The following SLC35F1 variants were observed in gnomAD, a reference collection of about 807,000 sequenced individuals.
SLC35F1 encodes the protein chromosome 6 open reading frame 169.
SLC35F1 carries 14 observed loss-of-function variants against 48.7 expected under a neutral mutation model. The ratio of observed to expected loss-of-function variants is 0.29; its 90% CI spans 0.19 to 0.45. SLC35F1 has a LOEUF of 0.45. SLC35F1 is among the 20% of genes least tolerant of loss of function. The probability of loss-of-function intolerance (pLI) is 1.00; values close to 1 mark genes in which losing one functional copy is unlikely to be tolerated. For synonymous variants in SLC35F1, 190 were observed against 202.2 expected (o/e 0.94, Z 0.51); for missense variants, 404 against 500.0 (o/e 0.81, Z 1.83).
At chr6:118,143,764 C>T (rs988011383) in intron 1 of SLC35F1, among the ~76,000 whole-genome samples, 1 of 152,136 alleles carries the variant, frequency 6.6e-6, no homozygotes, top group Non-Finnish European at 1.5e-5. Context: ...GAGGTAGTTA[C>T]TGTCAGAGGC....
chr6:118,132,870 T>C (rs2114425724), intron 1 of SLC35F1, among the ~76,000 whole-genome samples: 1 of 152,308 alleles, frequency 6.6e-6, no homozygotes, highest in East Asian at 1.9e-4. Context: ...GGGCGGGGTA[T>C]ATCTGCTGTC....
At chr6:118,112,087 T>TTTATTTC (rs772972832) in intron 1 of SLC35F1, among the ~76,000 whole-genome samples, 286 of 14,308 alleles carry the variant, frequency 0.02, no homozygotes, top group African/African-American at 0.026. Context: ...TATTTCTTTC[T>TTTATTTC]TTTCTTTTCT....
At chr6:118,144,633 C>T (rs1223279499) in intron 1 of SLC35F1, among the ~76,000 whole-genome samples, 2 of 150,198 alleles carry the variant, frequency 1.3e-5, no homozygotes, top group African/African-American at 4.9e-5. Context: ...AAAACCTTAC[C>T]TTGTCAGTTG....
rs184461715 is a variant in SLC35F1 at position 118,048,207 on chromosome 6, C to G, written c.174-106238C>G. ...ATTTATTGATTTGCGTATGTTAAACCAGCCTTGCATCCCAGGGATGAAGCC... is the reference window on the plus strand; with the variant it reads ...ATTTATTGATTTGCGTATGTTAAACGAGCCTTGCATCCCAGGGATGAAGCC... On this transcript the variant is annotated intron_variant, in intron 1 of 7. Coordinates refer to ENST00000360388, the MANE Select transcript of SLC35F1 (RefSeq NM_001029858.4). Among the ~76,000 whole-genome samples the G allele has an allele frequency of 3.9e-3, 594 of 152,220 alleles. 6 individuals are homozygous for G. Among genetic ancestry groups the G allele is most frequent in the African/African-American group, 0.013 (557 of 41,550 alleles).
chr6:118,311,108 T>C (rs1225687244), intron 7 of SLC35F1, among the ~76,000 whole-genome samples: 1 of 152,198 alleles, frequency 6.6e-6, no homozygotes, highest in Non-Finnish European at 1.5e-5. Context: ...CCCTGAGTCT[T>C]CTATCCAGAC....
chr6:118,044,274 T>G (rs891753096), intron 1 of SLC35F1, among the ~76,000 whole-genome samples: 1 of 152,212 alleles, frequency 6.6e-6, no homozygotes, highest in Non-Finnish European at 1.5e-5. Flanking sequence ...TCTATCACAC[T>G]GGAGTTTCAT....
Position 117,938,536 on chromosome 6 carries a change from CT to C in SLC35F1, c.173+30638del, listed in dbSNP as rs573667263. ...CACTGCCCCCAGCCCACCTGCCCCC[CT>C]GATTGGCATTTTGCCAGCAGGAGGG... On this transcript the variant is annotated intron_variant, in intron 1 of 7. Transcript: ENST00000360388. Among the ~76,000 whole-genome samples, 29 of 152,356 alleles carry C rather than the reference CT, an allele frequency of 1.9e-4. 1 individual carries two copies. The highest frequency in any genetic ancestry group is 1.5e-3 in the Admixed American group (23 of 15,312).
intron 2 of SLC35F1, among the ~76,000 whole-genome samples, chr6:118,206,633 C>A (rs1395925742): frequency 1.3e-5 from 2 of 152,224 alleles, no homozygotes; most frequent in East Asian, 3.9e-4. Flanking sequence ...ATATATATTT[C>A]TAAAACAGAA....
intron 1 of SLC35F1, among the ~76,000 whole-genome samples, chr6:118,149,754 T>C (rs1774028214): frequency 6.6e-6 from 1 of 152,156 alleles, no homozygotes. Context: ...AAAGCAGAAA[T>C]TGAATACAGC....
At chr6:118,065,465 A>T (rs1456181122) in intron 1 of SLC35F1, among the ~76,000 whole-genome samples, 1 of 152,192 alleles carries the variant, frequency 6.6e-6, no homozygotes, top group African/African-American at 2.4e-5. Flanking sequence ...AACTGTAAAA[A>T]TTTGAGGTGA....
intron 4 of SLC35F1, among the ~76,000 whole-genome samples, chr6:118,272,266 AG>A: frequency 6.6e-6 from 1 of 152,332 alleles, no homozygotes; most frequent in East Asian, 1.9e-4. Context: ...GTAACAGACA[AG>A]GAGTGGAGTA....
At chr6:118,035,647 A>G (rs186954297) in intron 1 of SLC35F1, among the ~76,000 whole-genome samples, 4 of 150,408 alleles carry the variant, frequency 2.7e-5, no homozygotes, top group Admixed American at 6.6e-5. Context: ...AAAACAAAAC[A>G]AAACCAAAAA....
At chr6:118,126,797 T>C (rs1773632944) in intron 1 of SLC35F1, among the ~76,000 whole-genome samples, 3 of 151,846 alleles carry the variant, frequency 2.0e-5, no homozygotes, top group Admixed American at 1.3e-4. Context: ...GTTATTGGTG[T>C]ATAAGAATGC....
intron 7 of SLC35F1, among the ~76,000 whole-genome samples, chr6:118,301,143 C>T (rs283060): frequency 0.13 from 19,990 of 152,098 alleles, 1,894 homozygotes; most frequent in African/African-American, 0.27. Context: ...TGCTGTGTCT[C>T]TGATGCTTAC....
chr6:118,011,585 C>T (rs564577730), intron 1 of SLC35F1, among the ~76,000 whole-genome samples: 11 of 152,212 alleles, frequency 7.2e-5, no homozygotes, highest in South Asian at 4.2e-4. Context: ...ATATCAATTG[C>T]GGAACCAAGA....
intron 2 of SLC35F1, among the ~76,000 whole-genome samples, chr6:118,180,623 C>T (rs1487203252): frequency 1.3e-5 from 2 of 151,790 alleles, no homozygotes; most frequent in Non-Finnish European, 2.9e-5. Context: ...AGAGAATTAG[C>T]GAACTGAAAG....
chr6:118,238,426 A>AAATAATAATAATAATAAT (rs67710305), intron 3 of SLC35F1, among the ~76,000 whole-genome samples: 15 of 144,484 alleles, frequency 1.0e-4, no homozygotes, highest in East Asian at 2.0e-4. Context: ...CCCATCTCTA[A>AAATAATAATAATAATAAT]AATAATAATA....
intron 2 of SLC35F1, among the ~76,000 whole-genome samples, chr6:118,173,397 AAAAAAC>A (rs1465253036): frequency 8.0e-5 from 9 of 111,818 alleles, no homozygotes; most frequent in African/African-American, 7.6e-4. Flanking sequence ...AAAAAAAAAC[AAAAAAC>A]AAAAAAAAAA....
intron 1 of SLC35F1, among the ~76,000 whole-genome samples, chr6:118,081,153 G>T (rs1271396380): frequency 6.6e-6 from 1 of 151,996 alleles, no homozygotes; most frequent in African/African-American, 2.4e-5. Flanking sequence ...ATCCAGGGTT[G>T]TTCATTGAGG....
Sources: allele counts gnomAD v4.1 joint callset (sites outside exome capture counted in the v4.1 genomes callset), GRCh38; gene constraint gnomAD v4.1.1; transcripts MANE v1.5; gene names NCBI Gene and HGNC (gene_info 2026-07-23, HGNC 2026-07-21).